Variants in SNTG1 observed in about 807,000 individuals in gnomAD.
SNTG1 encodes syntrophin gamma 1.
In SNTG1, 39 loss-of-function variants were observed where a neutral mutation model predicts 74.7. The observed-to-expected ratio is 0.52, with a 90% confidence interval of 0.40 to 0.68. The LOEUF is 0.68. Ranked by LOEUF, SNTG1 falls within the 30% of genes least tolerant of loss-of-function variation. The probability of loss-of-function intolerance (pLI) is 0.00; values close to 1 mark genes in which losing one functional copy is unlikely to be tolerated. For missense variants in SNTG1, 685 were observed against 609.5 expected, an observed-to-expected ratio of 1.12 and a Z score of -1.30; for synonymous variants, 254 against 217.1, an observed-to-expected ratio of 1.17 and a Z score of -1.49.
intron 15 of SNTG1, among the ~76,000 whole-genome samples, chr8:50,683,817 A>T (rs568500349): frequency 6.6e-6 from 1 of 152,162 alleles, no homozygotes; most frequent in Non-Finnish European, 1.5e-5. Context: ...AGGTCCAGTC[A>T]TTTGCTTCAT....
At chr8:50,431,928 C>A (rs2093241159) in intron 4 of SNTG1, among the ~76,000 whole-genome samples, 2 of 152,220 alleles carry the variant, frequency 1.3e-5, no homozygotes, top group South Asian at 2.1e-4. Flanking sequence ...GGATACAAGT[C>A]TTCTATCAGA....
At chr8:50,346,869 C>T (rs533275292) in intron 2 of SNTG1, among the ~76,000 whole-genome samples, 8 of 152,258 alleles carry the variant, frequency 5.3e-5, no homozygotes, top group South Asian at 2.1e-4. Flanking sequence ...GGCTGAAGGC[C>T]GAGAGAGGTA....
intron 13 of SNTG1, among the ~76,000 whole-genome samples, chr8:50,609,218 A>T (rs2094833552): frequency 6.6e-6 from 1 of 151,976 alleles, no homozygotes. Context: ...TAAGTATTTC[A>T]TGTGGGGAAT....
At chr8:50,567,745 T>C (rs1412658304) in intron 12 of SNTG1, among the ~76,000 whole-genome samples, 1 of 152,162 alleles carries the variant, frequency 6.6e-6, no homozygotes, top group Non-Finnish European at 1.5e-5. Flanking sequence ...TTGTACATTT[T>C]AATGGGGTAC....
chr8:49,979,755 T>C (rs888926550), intron 1 of SNTG1, among the ~76,000 whole-genome samples: 1 of 152,226 alleles, frequency 6.6e-6, no homozygotes, highest in African/African-American at 2.4e-5. Flanking sequence ...CCAGGTATAC[T>C]GGCTGAATGT....
chr8:49,948,549 A>C (rs879595773), intron 1 of SNTG1, among the ~76,000 whole-genome samples: 8 of 152,174 alleles, frequency 5.3e-5, no homozygotes, highest in Non-Finnish European at 1.2e-4. Flanking sequence ...AACAATTACT[A>C]TCCTCTTCTT....
chr8:50,349,067 G>A (rs532110692), intron 2 of SNTG1, among the ~76,000 whole-genome samples: 1 of 152,260 alleles, frequency 6.6e-6, no homozygotes, highest in Admixed American at 6.5e-5. Context: ...ACATTAAGAG[G>A]TTTACTGGCC....
At chr8:50,381,821 T>TAA (rs1170392744) in intron 2 of SNTG1, 7 of 137,604 alleles carry the variant, frequency 5.1e-5, no homozygotes, top group African/African-American at 1.3e-4. Context: ...GCTATATATA[T>TAA]AACATATATA....
intron 10 of SNTG1, among the ~76,000 whole-genome samples, chr8:50,533,926 T>A (rs1031323276): frequency 6.6e-6 from 1 of 152,194 alleles, no homozygotes; most frequent in African/African-American, 2.4e-5. Flanking sequence ...GATTAGTCAG[T>A]CCTCAACATC....
At chr8:50,265,728 C>A (rs761845782) in intron 2 of SNTG1, among the ~76,000 whole-genome samples, 1 of 151,522 alleles carries the variant, frequency 6.6e-6, no homozygotes, top group African/African-American at 2.4e-5. Context: ...ATCCTAGGAT[C>A]TACAAAAATT....
chr8:50,151,829 A>C (rs182416519), intron 1 of SNTG1, among the ~76,000 whole-genome samples: 1 of 152,300 alleles, frequency 6.6e-6, no homozygotes, highest in Admixed American at 6.5e-5. Flanking sequence ...TTTACTTCCA[A>C]CTATGTTGTC....
chr8:50,311,381 T>A (rs925882709), intron 2 of SNTG1, among the ~76,000 whole-genome samples: 1 of 152,218 alleles, frequency 6.6e-6, no homozygotes, highest in Non-Finnish European at 1.5e-5. Context: ...AACTTCACAT[T>A]TTAAATGCAG....
intron 15 of SNTG1, among the ~76,000 whole-genome samples, chr8:50,665,521 G>A (rs746081601): frequency 1.4e-4 from 22 of 151,944 alleles, no homozygotes; most frequent in Non-Finnish European, 2.8e-4. Context: ...ACTCAGCAAA[G>A]CTCTCCATTT....
intron 12 of SNTG1, among the ~76,000 whole-genome samples, chr8:50,589,547 T>C (rs1388894366): frequency 1.3e-5 from 2 of 151,542 alleles, no homozygotes; most frequent in Non-Finnish European, 2.9e-5. Context: ...TCATAGCTGA[T>C]CTTCAAGTTT....
At chr8:50,167,248 T>A (rs2082650221) in intron 1 of SNTG1, among the ~76,000 whole-genome samples, 1 of 138,840 alleles carries the variant, frequency 7.2e-6, no homozygotes, top group Non-Finnish European at 1.5e-5. Flanking sequence ...AATGTGCACA[T>A]GTACCCTAAA....
At chr8:50,130,945 G>A (rs2081297982) in intron 1 of SNTG1, among the ~76,000 whole-genome samples, 1 of 152,022 alleles carries the variant, frequency 6.6e-6, no homozygotes, top group Non-Finnish European at 1.5e-5. Context: ...GATATTCATT[G>A]ACTGTAAACT....
At chr8:50,162,559 C>CAAAAAAAAA (rs34746562) in intron 1 of SNTG1, among the ~76,000 whole-genome samples, 5 of 83,956 alleles carry the variant, frequency 6.0e-5, no homozygotes, top group East Asian at 4.2e-4. Flanking sequence ...GACTCTGTCT[C>CAAAAAAAAA]AAAAAAAAAA....
At chr8:50,261,029 A>G (rs1157670208) in intron 2 of SNTG1, among the ~76,000 whole-genome samples, 2 of 152,222 alleles carry the variant, frequency 1.3e-5, no homozygotes, top group African/African-American at 4.8e-5. Context: ...AATTTCACAG[A>G]GCAGACTACA....
intron 1 of SNTG1, among the ~76,000 whole-genome samples, chr8:49,975,525 T>C (rs942483872): frequency 5.9e-5 from 9 of 152,074 alleles, no homozygotes; most frequent in African/African-American, 2.2e-4. Flanking sequence ...CTCCACAATC[T>C]GATAATTTTT....
Sources: allele counts gnomAD v4.1 joint callset (sites outside exome capture counted in the v4.1 genomes callset), GRCh38; gene constraint gnomAD v4.1.1; transcripts MANE v1.5; gene names NCBI Gene and HGNC (gene_info 2026-07-23, HGNC 2026-07-21).